The following SEC63 variants were observed in gnomAD, a reference collection of about 807,000 sequenced individuals.
SEC63 encodes the protein translocation protein SEC63 homolog.
In SEC63, 56 loss-of-function variants were observed where a neutral mutation model predicts 116.2. The ratio of observed to expected loss-of-function variants is 0.48; its 90% CI spans 0.39 to 0.60. The LOEUF is 0.60. Among genes scored for constraint, SEC63 ranks in the 20% least tolerant of loss-of-function variants. The pLI, the probability that SEC63 is intolerant of heterozygous loss-of-function variation, is 0.00. For missense variants in SEC63, 668 were observed against 900.0 expected, an observed-to-expected ratio of 0.74 and a Z score of 3.30; for synonymous variants, 273 against 294.6, an observed-to-expected ratio of 0.93 and a Z score of 0.75.
At chr6:107,945,989 T>C (rs945876004) in intron 1 of SEC63, among the ~76,000 whole-genome samples, 3 of 152,064 alleles carry the variant, frequency 2.0e-5, no homozygotes, top group Non-Finnish European at 4.4e-5. Context: ...CAGGCTGGAG[T>C]GCAGTGGTGC....
chr6:107,889,408 G>A (rs949693166), intron 16 of SEC63, among the ~76,000 whole-genome samples: 9 of 152,096 alleles, frequency 5.9e-5, no homozygotes, highest in Non-Finnish European at 1.3e-4. Context: ...TCTGATGGTA[G>A]TTTGTATTTC....
chr6:107,886,106 G>A lies in SEC63; in HGVS notation c.1675-2960C>T, dbSNP rs187035554. The stretch of plus-strand genomic sequence containing the variant: ...TCCCACTTATGAGTGAGAACATGGC[G>A]GTGTTTGGATTTCTGTTCTTGTGTT... On this transcript the variant is annotated intron_variant, in intron 16 of 20. Transcript: ENST00000369002. Among the ~76,000 whole-genome samples the A allele has an allele frequency of 3.0e-3, 458 of 152,258 alleles. 3 individuals are homozygous for A. Among genetic ancestry groups the A allele is most frequent in the African/African-American group, 0.01 (434 of 41,554 alleles).
At chr6:107,912,666 CA>C in intron 6 of SEC63, 49 bp downstream of exon 6, 2 of 1,177,328 alleles carry the variant, frequency 1.7e-6, no homozygotes, top group Non-Finnish European at 2.5e-6. Flanking sequence ...TTGTACATAA[CA>C]AAAATTTTGT....
At chr6:107,955,508 T>C (rs1770693678) in intron 1 of SEC63, among the ~76,000 whole-genome samples, 1 of 152,212 alleles carries the variant, frequency 6.6e-6, no homozygotes, top group South Asian at 2.1e-4. Flanking sequence ...AAAGTTGAAG[T>C]CCATGATTTA....
chr6:107,949,189 A>G (rs1484136324), intron 1 of SEC63, among the ~76,000 whole-genome samples: 2 of 152,264 alleles, frequency 1.3e-5, no homozygotes, highest in African/African-American at 4.8e-5. Context: ...AGATGTAATT[A>G]GGGGAAATCA....
At chr6:107,900,672 A>G (rs1786980493) in intron 13 of SEC63, among the ~76,000 whole-genome samples, 1 of 152,196 alleles carries the variant, frequency 6.6e-6, no homozygotes, top group Non-Finnish European at 1.5e-5. Context: ...AATAAATAAA[A>G]TAAAGACAGA....
chr6:107,924,081 G>A (rs1419485512), intron 3 of SEC63, among the ~76,000 whole-genome samples: 1 of 151,606 alleles, frequency 6.6e-6, no homozygotes, highest in Admixed American at 6.6e-5. Context: ...TGGCTAACAT[G>A]GTGAAACCCC....
chr6:107,950,529 ATTTT>A (rs759364146), intron 1 of SEC63, among the ~76,000 whole-genome samples: 1 of 152,230 alleles, frequency 6.6e-6, no homozygotes, highest in Non-Finnish European at 1.5e-5. Context: ...GCCACAAGAT[ATTTT>A]ATTTTGAAAG....
intron 16 of SEC63, among the ~76,000 whole-genome samples, chr6:107,886,564 TGGTATCTCA>T (rs1786533695): frequency 2.6e-5 from 4 of 152,056 alleles, no homozygotes; most frequent in Admixed American, 2.6e-4. Flanking sequence ...TGGCGTGAGA[TGGTATCTCA>T]TTGTGGTTTT....
chr6:107,920,596 A>C (rs1225545291), intron 4 of SEC63, among the ~76,000 whole-genome samples: 5 of 152,170 alleles, frequency 3.3e-5, no homozygotes, highest in African/African-American at 1.2e-4. Flanking sequence ...AGTATCTCCA[A>C]AGTATGCTTG....
chr6:107,895,040 A>G (rs370039984), intron 14 of SEC63, among the ~76,000 whole-genome samples: 1 of 152,328 alleles, frequency 6.6e-6, no homozygotes, highest in East Asian at 1.9e-4. Flanking sequence ...CCCTAGTCTA[A>G]TTATATCATA....
intron 5 of SEC63, 87 bp from the exon 6 acceptor site, chr6:107,912,861 T>G: frequency 3.2e-6 from 3 of 951,282 alleles, no homozygotes; most frequent in Non-Finnish European, 5.0e-6. Flanking sequence ...CTATAATATA[T>G]CCCAGAACTC....
chr6:107,877,737 T>A, intron 18 of SEC63, among the ~76,000 whole-genome samples: 1 of 152,224 alleles, frequency 6.6e-6, no homozygotes, highest in East Asian at 1.9e-4. Flanking sequence ...TCACCACGCC[T>A]GGCCCATATT....
In SEC63 at chr6:107,958,098, G is replaced by T; in HGVS notation, c.-89C>A. On this transcript the variant is annotated 5_prime_UTR_variant, in exon 1 of 21. Transcript: ENST00000369002. ...CTCCCAACGCCCCGGCCCGAGTGGC[G>T]TAGCTTGGACACTGCCGCCGCCGCC... 3 of 1,582,348 alleles carry T rather than the reference G, an allele frequency of 1.9e-6. No homozygotes were observed. The highest frequency in any genetic ancestry group is 1.7e-6 in the Non-Finnish European group (2 of 1,162,188).
chr6:107,911,252 T>C, intron 7 of SEC63, 94 bp downstream of exon 7: 1 of 849,774 alleles, frequency 1.2e-6, no homozygotes, highest in Non-Finnish European at 2.0e-6. Context: ...CAATGGGTTA[T>C]ATTCTAACAT....
intron 18 of SEC63, among the ~76,000 whole-genome samples, chr6:107,879,514 G>A (rs530256584): frequency 7.2e-5 from 11 of 152,172 alleles, no homozygotes; most frequent in East Asian, 1.9e-4. Flanking sequence ...TAGTAGAGAC[G>A]GGGTTTTGCC....
intron 1 of SEC63, chr6:107,955,876 C>CT (rs1220396756): frequency 9.5e-6 from 2 of 210,176 alleles, no homozygotes; most frequent in African/African-American, 4.9e-5. Context: ...GAGTGAGACT[C>CT]TGTCTCTAAA....
Position 107,958,193 on chromosome 6 carries a change from C to T in SEC63, c.-184G>A. 1.2e-6 allele frequency: 1 copy of T among 851,906 alleles called. No individual in the cohort carries two copies. The highest frequency in any genetic ancestry group is 2.3e-5 in the Admixed American group (1 of 44,336). The allele number at this position is 851,906 out of a possible 1,614,324, so 52.8% of individuals were successfully genotyped here. ...ACCTCTGCCGCTGCCGCCGCCGTCG[C>T]CAGCTCTCGCGAGAGGAGATAGTTC... On this transcript the variant is annotated 5_prime_UTR_variant, in exon 1 of 21. Transcript: ENST00000369002.
chr6:107,951,570 T>C (rs1770579914), intron 1 of SEC63, among the ~76,000 whole-genome samples: 1 of 152,208 alleles, frequency 6.6e-6, no homozygotes, highest in African/African-American at 2.4e-5. Flanking sequence ...CAAGCAGCAC[T>C]TCTCAAACAT....
Sources: gnomAD v4.1 joint callset for allele counts (sites outside exome capture counted in the v4.1 genomes callset) on GRCh38, gnomAD v4.1.1 for gene constraint, MANE v1.5 for transcripts, NCBI Gene and HGNC (gene_info 2026-07-23, HGNC 2026-07-21) for gene names.